RAB3C: variants seen among roughly 807,000 people sequenced by gnomAD.
The protein encoded by RAB3C is RAB3C, member RAS oncogene family, also known as ras-related protein Rab-3C.
Under a neutral mutation model 26.4 loss-of-function variants are expected in RAB3C, and 17 were observed. The ratio of observed to expected loss-of-function variants is 0.64; its 90% CI spans 0.44 to 0.97. RAB3C has a LOEUF of 0.97. Ranked by LOEUF, RAB3C falls within the 50% of genes least tolerant of loss-of-function variation. The pLI, the probability that RAB3C is intolerant of heterozygous loss-of-function variation, is 0.00. For synonymous variants in RAB3C, 91 were observed against 95.9 expected (o/e 0.95, Z 0.30); for missense variants, 242 against 281.9 (o/e 0.86, Z 1.01).
chr5:58,838,969 T>C (rs1743811477), intron 4 of RAB3C, among the ~76,000 whole-genome samples: 1 of 140,240 alleles, frequency 7.1e-6, no homozygotes, highest in Admixed American at 7.3e-5. Flanking sequence ...CTGTCTCTTT[T>C]TATAGCTTTT....
chr5:58,833,409 T>A (rs1274265117), intron 4 of RAB3C, among the ~76,000 whole-genome samples: 1 of 151,812 alleles, frequency 6.6e-6, no homozygotes, highest in African/African-American at 2.4e-5. Flanking sequence ...AACATGAGTG[T>A]TTTTAGCTCC....
chr5:58,778,054 T>C (rs1440794931), intron 3 of RAB3C, among the ~76,000 whole-genome samples: 9 of 152,148 alleles, frequency 5.9e-5, no homozygotes, highest in Admixed American at 4.6e-4. Flanking sequence ...GTTTGATGAA[T>C]ACATGTATCA....
intron 2 of RAB3C, among the ~76,000 whole-genome samples, chr5:58,646,203 T>C (rs1747513714): frequency 6.6e-6 from 1 of 152,180 alleles, no homozygotes; most frequent in Admixed American, 6.5e-5. Context: ...GCCCCCTTTC[T>C]GTTCTCATAG....
At chr5:58,837,647 C>T (rs1336023738) in intron 4 of RAB3C, among the ~76,000 whole-genome samples, 2 of 151,454 alleles carry the variant, frequency 1.3e-5, no homozygotes, top group African/African-American at 2.4e-5. Flanking sequence ...CAACCTCCAC[C>T]TCCAAGGTTC....
intron 1 of RAB3C, among the ~76,000 whole-genome samples, chr5:58,607,599 G>A (rs1049643448): frequency 6.6e-6 from 1 of 152,036 alleles, no homozygotes; most frequent in Non-Finnish European, 1.5e-5. Context: ...ACAACCCCAA[G>A]ACACATAATT....
chr5:58,631,179 A>G (rs528005163), intron 2 of RAB3C, among the ~76,000 whole-genome samples: 2 of 152,312 alleles, frequency 1.3e-5, no homozygotes, highest in Non-Finnish European at 2.9e-5. Context: ...CTGTGGCCCC[A>G]CCTCACTGCT....
intron 2 of RAB3C, among the ~76,000 whole-genome samples, chr5:58,647,252 G>A (rs546654474): frequency 1.3e-5 from 2 of 152,320 alleles, no homozygotes; most frequent in Admixed American, 6.5e-5. Context: ...AAGGAAAAAG[G>A]TTTAATTGTC....
At chr5:58,814,959 G>A (rs970524940) in intron 3 of RAB3C, among the ~76,000 whole-genome samples, 4 of 152,052 alleles carry the variant, frequency 2.6e-5, no homozygotes, top group Admixed American at 2.0e-4. Context: ...TTGAGCTCTC[G>A]AAATATGTTC....
intron 1 of RAB3C, among the ~76,000 whole-genome samples, chr5:58,586,114 T>C (rs1746002076): frequency 6.6e-6 from 1 of 152,070 alleles, no homozygotes; most frequent in Non-Finnish European, 1.5e-5. Flanking sequence ...GATTTCATTG[T>C]ATTTGTGTGT....
chr5:58,772,497 C>G (rs1334093235), intron 3 of RAB3C, among the ~76,000 whole-genome samples: 1 of 152,178 alleles, frequency 6.6e-6, no homozygotes, highest in Non-Finnish European at 1.5e-5. Context: ...TGCAGCAGCT[C>G]TCTCAGACCA....
chr5:58,739,922 T>G (rs574773738), intron 3 of RAB3C, among the ~76,000 whole-genome samples: 6 of 152,342 alleles, frequency 3.9e-5, no homozygotes, highest in African/African-American at 1.4e-4. Context: ...CAATCATTAG[T>G]GGATGGTAGG....
chr5:58,789,302 C>T (rs1044794093), intron 3 of RAB3C, among the ~76,000 whole-genome samples: 2 of 152,058 alleles, frequency 1.3e-5, no homozygotes, highest in African/African-American at 4.8e-5. Flanking sequence ...ATGACAGAAG[C>T]TTGAGATATA....
chr5:58,661,682 G>T (rs1316624120), intron 2 of RAB3C, among the ~76,000 whole-genome samples: 2 of 146,728 alleles, frequency 1.4e-5, no homozygotes, highest in African/African-American at 5.4e-5. Context: ...CTGCAAGATA[G>T]GTCTTAAAGG....
chr5:58,730,458 C>T (rs1312642528), intron 3 of RAB3C, among the ~76,000 whole-genome samples: 4 of 151,962 alleles, frequency 2.6e-5, no homozygotes, highest in African/African-American at 9.7e-5. Context: ...TCAGTGATGG[C>T]CTTCTACAAC....
chr5:58,648,896 G>A (rs2111782085), intron 2 of RAB3C, among the ~76,000 whole-genome samples: 1 of 152,212 alleles, frequency 6.6e-6, no homozygotes, highest in South Asian at 2.1e-4. Context: ...TCTGTCTTAT[G>A]GCTTGTGGCT....
At chr5:58,748,188 G>GT (rs1055660191) in intron 3 of RAB3C, among the ~76,000 whole-genome samples, 1 of 152,044 alleles carries the variant, frequency 6.6e-6, no homozygotes, top group Non-Finnish European at 1.5e-5. Context: ...AATTTCAAGG[G>GT]GGGGGAAATG....
At position 58,851,527 on chromosome 5, in the gene RAB3C, A is replaced by G. The variant is rs901644309; in HGVS notation, c.*176A>G. The G allele has an allele frequency of 4.2e-6, 2 of 476,560 alleles. No individual in the cohort carries two copies. The highest frequency in any genetic ancestry group is 7.2e-6 in the Non-Finnish European group (2 of 277,058). The allele number at this position is 476,560 out of a possible 1,614,324, so 29.5% of individuals were successfully genotyped here. ...CTTTCCTGTTTAATATGTGGCAAAT[A>G]TGTGATCTTAAATTTATAAGGACTA... On this transcript the variant is annotated 3_prime_UTR_variant, in exon 5 of 5. Transcript: ENST00000282878.
intron 3 of RAB3C, among the ~76,000 whole-genome samples, chr5:58,758,883 G>A (rs114134474): frequency 0.012 from 1,865 of 151,008 alleles, 21 homozygotes; most frequent in African/African-American, 0.022. Context: ...ACTTTTCCAT[G>A]GTCCTTGACC....
intron 3 of RAB3C, among the ~76,000 whole-genome samples, chr5:58,808,994 A>G (rs2112036771): frequency 6.6e-6 from 1 of 152,354 alleles, no homozygotes; most frequent in South Asian, 2.1e-4. Context: ...GTGCATTTGC[A>G]TTAACATAAG....
Sources: gnomAD v4.1 joint callset for allele counts (sites outside exome capture counted in the v4.1 genomes callset) on GRCh38, gnomAD v4.1.1 for gene constraint, MANE v1.5 for transcripts, NCBI Gene and HGNC (gene_info 2026-07-23, HGNC 2026-07-21) for gene names.